The following DGKH variants were observed in gnomAD, a reference collection of about 807,000 sequenced individuals.
DGKH encodes diacylglycerol kinase eta.
Under a neutral mutation model 159.3 loss-of-function variants are expected in DGKH, and 90 were observed. That is an observed-to-expected ratio of 0.57 (90% CI 0.48 to 0.67). DGKH has a LOEUF of 0.67. Among genes scored for constraint, DGKH ranks in the 30% least tolerant of loss-of-function variants. DGKH has a pLI of 0.00. For synonymous variants in DGKH, 536 were observed against 553.8 expected (o/e 0.97, Z 0.45); for missense variants, 1,181 against 1,506.1 (o/e 0.78, Z 3.57).
In DGKH at chr13:42,195,011, G is replaced by C; in HGVS notation, c.2162G>C (p.Cys721Ser). ...CCTGTGCTCAATACCAGAATAATCT[G>C]CCCAGGTAGTACAGATTCTGAAACA... ...NLPVLNTRIICPGLRAGLAAS... is the reference protein window; with the variant it reads ...NLPVLNTRIISPGLRAGLAAS... Residue 721 changes from cysteine (C) to serine (S), a missense_variant, in exon 17 of 30, where the codon TGC (cysteine) becomes TCC (serine). Transcript: ENST00000337343. The C allele has an allele frequency of 6.2e-7, 1 of 1,613,356 alleles. No homozygotes were observed. The highest frequency in any genetic ancestry group is 8.5e-7 in the Non-Finnish European group (1 of 1,179,718).
intron 1 of DGKH, among the ~76,000 whole-genome samples, chr13:42,096,705 A>G (rs929204615): frequency 6.6e-6 from 1 of 152,202 alleles, no homozygotes; most frequent in African/African-American, 2.4e-5. Flanking sequence ...AGATGAATAA[A>G]ATTGCTACCC....
At chr13:42,105,041 ATG>A in intron 1 of DGKH, among the ~76,000 whole-genome samples, 1 of 151,902 alleles carries the variant, frequency 6.6e-6, no homozygotes, top group Admixed American at 6.6e-5. Flanking sequence ...GTATGTATGT[ATG>A]TATGTGTAGT....
At chr13:42,086,734 A>G (rs900193064) in intron 1 of DGKH, among the ~76,000 whole-genome samples, 6 of 152,172 alleles carry the variant, frequency 3.9e-5, no homozygotes, top group Admixed American at 3.3e-4. Flanking sequence ...ACTTAGAGAA[A>G]GAGGGAAAAG....
chr13:42,135,372 G>A (rs1450779442), intron 3 of DGKH, among the ~76,000 whole-genome samples: 1 of 151,206 alleles, frequency 6.6e-6, no homozygotes, highest in African/African-American at 2.4e-5. Flanking sequence ...CGTGGTGCAT[G>A]CCTGTAGTCA....
At chr13:42,245,675 TCCCAGGTTCAA>T (rs1958575692), downstream of DGKH, among the ~76,000 whole-genome samples, 1 of 152,132 alleles carries the variant, frequency 6.6e-6, no homozygotes, top group Non-Finnish European at 1.5e-5. Flanking sequence ...AACCACCGCC[TCCCAGGTTCAA>T]GGGATTCTCC....
chr13:42,166,705 T>C, intron 9 of DGKH, 31 bp downstream of exon 9: 1 of 1,546,724 alleles, frequency 6.5e-7, no homozygotes, highest in South Asian at 1.3e-5. Flanking sequence ...CTTATTTGAA[T>C]ACAATGTAGG....
intron 30 of DGKH, chr13:42,255,774 T>C: frequency 2.1e-6 from 1 of 475,144 alleles, no homozygotes. Context: ...GAAGAAAATA[T>C]AAGGGAATAT....
intron 1 of DGKH, among the ~76,000 whole-genome samples, chr13:42,057,113 A>G (rs1478504089): frequency 1.3e-5 from 2 of 152,202 alleles, no homozygotes; most frequent in East Asian, 1.9e-4. Context: ...ATTATTTTAG[A>G]AAAAAATGCT....
chr13:42,119,437 T>A (rs975992768), intron 1 of DGKH, among the ~76,000 whole-genome samples: 2 of 152,202 alleles, frequency 1.3e-5, no homozygotes, highest in Non-Finnish European at 2.9e-5. Context: ...TCATCTGCAC[T>A]CTGGTCCAAA....
At chr13:42,060,668 G>T (rs1170773284) in intron 1 of DGKH, among the ~76,000 whole-genome samples, 1 of 152,184 alleles carries the variant, frequency 6.6e-6, no homozygotes, top group Non-Finnish European at 1.5e-5. Flanking sequence ...AGGTGCTGGT[G>T]ATTTAGAAGT....
chr13:42,217,869 A>G (rs1957842845), intron 26 of DGKH, among the ~76,000 whole-genome samples: 1 of 152,098 alleles, frequency 6.6e-6, no homozygotes, highest in Non-Finnish European at 1.5e-5. Context: ...CCCCATCTCT[A>G]CTAAAAATAC....
chr13:42,087,189 C>T (rs1954325351), intron 1 of DGKH, among the ~76,000 whole-genome samples: 1 of 152,000 alleles, frequency 6.6e-6, no homozygotes, highest in African/African-American at 2.4e-5. Context: ...CACAGAGATC[C>T]TGTAGAAGCC....
downstream of DGKH, among the ~76,000 whole-genome samples, chr13:42,243,621 A>G (rs980617510): frequency 2.0e-5 from 3 of 152,202 alleles, no homozygotes; most frequent in South Asian, 6.2e-4. Context: ...GGAAGGGCAG[A>G]GATAGAGAAA....
intron 7 of DGKH, among the ~76,000 whole-genome samples, chr13:42,162,711 G>A (rs1765733967): frequency 6.6e-6 from 1 of 152,106 alleles, no homozygotes; most frequent in Admixed American, 6.5e-5. Context: ...GGCTGAGGCA[G>A]TAGAGTTGCT....
chr13:42,081,646 G>A (rs949523496), intron 1 of DGKH, among the ~76,000 whole-genome samples: 1 of 152,134 alleles, frequency 6.6e-6, no homozygotes, highest in Non-Finnish European at 1.5e-5. Context: ...TGCCTGAATT[G>A]TCTCAGATTA....
chr13:42,246,432 A>G (rs981292588), downstream of DGKH, among the ~76,000 whole-genome samples: 2 of 152,150 alleles, frequency 1.3e-5, no homozygotes, highest in Non-Finnish European at 2.9e-5. Context: ...ATTAAAAAAA[A>G]GAGAGAGAGA....
chr13:42,115,869 A>C lies in DGKH; in HGVS notation c.193-11594A>C, dbSNP rs114904355. ...TGGACTAGTGGTGGGAAAAATTGAT[A>C]GCATGGAGAGCACCTAGTAAACTAT... On this transcript the variant is annotated intron_variant, in intron 1 of 29. Transcript: ENST00000337343. 3.1e-3 allele frequency among the ~76,000 whole-genome samples: 477 copies of C among 152,294 alleles called. 2 individuals are homozygous for C. The highest frequency in any genetic ancestry group is 0.011 in the African/African-American group (465 of 41,560).
At chr13:42,198,921 C>A (rs537536860) in intron 18 of DGKH, among the ~76,000 whole-genome samples, 1 of 152,286 alleles carries the variant, frequency 6.6e-6, no homozygotes, top group East Asian at 1.9e-4. Flanking sequence ...TGTCATCTTT[C>A]CACGTCAGCT....
intron 1 of DGKH, among the ~76,000 whole-genome samples, chr13:42,053,376 CTATATATAACTATATATGTAACTGTA>C (rs1263133886): frequency 6.8e-6 from 1 of 146,598 alleles, no homozygotes; most frequent in East Asian, 2.0e-4. Context: ...ATATATATAA[CTATATATAACTATATATGTAACTGTA>C]TATATATAAC....
Sources: allele counts gnomAD v4.1 joint callset (sites outside exome capture counted in the v4.1 genomes callset), GRCh38; gene constraint gnomAD v4.1.1; transcripts MANE v1.5; gene names NCBI Gene and HGNC (gene_info 2026-07-23, HGNC 2026-07-21).